Variants in ADAMTS2 observed in about 807,000 individuals in gnomAD.
ADAMTS2 encodes A disintegrin and metalloproteinase with thrombospondin motifs 2.
A neutral mutation model predicts 123.0 loss-of-function variants in ADAMTS2; 50 were observed. That is an observed-to-expected ratio of 0.41 (90% CI 0.32 to 0.51). ADAMTS2 has a LOEUF of 0.51. Among genes scored for constraint, ADAMTS2 ranks in the 20% least tolerant of loss-of-function variants. ADAMTS2 has a pLI of 0.35. For missense variants in ADAMTS2, 1,494 were observed against 1,705.2 expected (o/e 0.88, Z 2.18); for synonymous variants, 678 against 695.4 (o/e 0.98, Z 0.39).
chr5:179,165,413 G>A (rs959485944), intron 5 of ADAMTS2, among the ~76,000 whole-genome samples: 7 of 152,142 alleles, frequency 4.6e-5, no homozygotes, highest in African/African-American at 7.2e-5. Context: ...GGTCATCTAC[G>A]TCCCTCCCAG....
chr5:179,329,291 C>A (rs543650825), intron 2 of ADAMTS2, among the ~76,000 whole-genome samples: 3 of 148,774 alleles, frequency 2.0e-5, no homozygotes, highest in African/African-American at 7.5e-5. Flanking sequence ...AGTGCCACTG[C>A]GCTCCAGCCT....
At chr5:179,287,481 G>A (rs1756052985) in intron 2 of ADAMTS2, among the ~76,000 whole-genome samples, 1 of 152,216 alleles carries the variant, frequency 6.6e-6, no homozygotes, top group Non-Finnish European at 1.5e-5. Context: ...AGCTGAGGCT[G>A]GTGTCTCACA....
In ADAMTS2 at chr5:179,157,203, G is replaced by A. The variant is rs573783025; in HGVS notation, c.1132+1520C>T. 3.9e-5 allele frequency among the ~76,000 whole-genome samples: 6 copies of A among 152,192 alleles called. No homozygotes were observed. In the South Asian group the frequency reaches 1.2e-3, roughly 32 times the overall value. ...GACCTCAAGTGATCCGCCCGCCTTG[G>A]CCTCCCAAAGTGCTGGGATTACAGG... On this transcript the variant is annotated intron_variant, in intron 6 of 21. Coordinates refer to ENST00000251582, the MANE Select transcript of ADAMTS2 (RefSeq NM_014244.5).
In ADAMTS2 at chr5:179,115,252, T is replaced by G. The variant is rs1206964990; in HGVS notation, c.3179-928A>C. Among the ~76,000 whole-genome samples, 2 of 152,146 alleles carry G rather than the reference T, an allele frequency of 1.3e-5. No individual in the cohort carries two copies. Among genetic ancestry groups the G allele is most frequent in the Admixed American group, 6.5e-5 (1 of 15,270 alleles). On this transcript the variant is annotated intron_variant, in intron 21 of 21. Coordinates refer to ENST00000251582, the MANE Select transcript of ADAMTS2 (RefSeq NM_014244.5). This position sits in a 1 kb window ranked among gnomAD's most constrained non-coding sequence, Gnocchi z 4.4. The stretch of plus-strand genomic sequence containing the variant: ...GACCTCTGTCTGCGGCTATGTTCAT[T>G]CAACCCATCAACTCTTCTTGCGCTC...
chr5:179,125,245 T>C, intron 18 of ADAMTS2, 65 bp from the exon 19 acceptor site: 2 of 1,501,746 alleles, frequency 1.3e-6, no homozygotes, highest in Non-Finnish European at 1.8e-6. Context: ...CTGGCTGAGC[T>C]CCAGCGCCGC....
chr5:179,204,260 G>A (rs986395471), intron 4 of ADAMTS2, among the ~76,000 whole-genome samples: 7 of 152,196 alleles, frequency 4.6e-5, no homozygotes, highest in African/African-American at 9.7e-5. Flanking sequence ...TTCTGTGGAC[G>A]GTGGTGGCGA....
chr5:179,222,756 T>C (rs938550365), intron 3 of ADAMTS2, among the ~76,000 whole-genome samples: 3 of 152,216 alleles, frequency 2.0e-5, no homozygotes, highest in Non-Finnish European at 2.9e-5. Context: ...CTGCCTGCCC[T>C]GCAGAGGTGA....
chr5:179,294,961 G>A (rs1038992734), intron 2 of ADAMTS2, among the ~76,000 whole-genome samples: 13 of 152,164 alleles, frequency 8.5e-5, no homozygotes, highest in African/African-American at 2.7e-4. Context: ...CCCTCCTGTC[G>A]CTCTCAACTA....
At position 179,258,400 on chromosome 5, in the gene ADAMTS2, C is replaced by T. The variant is rs140338694; in HGVS notation, c.688+14511G>A. On this transcript the variant is annotated intron_variant, in intron 3 of 21. Transcript: ENST00000251582. ...TAGTCCTTTTTGCCCTGCTGGACGT[C>T]GCCTGGCCAGACTTGCAGAGCCATC... Among the ~76,000 whole-genome samples the T allele has an allele frequency of 6.5e-3, 989 of 152,274 alleles. 13 individuals carry two copies. The highest frequency in any genetic ancestry group is 0.021 in the African/African-American group (852 of 41,544).
At chr5:179,126,905 G>A (rs1370083475) in intron 17 of ADAMTS2, among the ~76,000 whole-genome samples, 1 of 148,356 alleles carries the variant, frequency 6.7e-6, no homozygotes, top group African/African-American at 2.5e-5. Context: ...GACATGGTGT[G>A]TATCCAGGAA....
intron 2 of ADAMTS2, among the ~76,000 whole-genome samples, chr5:179,339,733 G>C (rs1197892652): frequency 1.3e-5 from 2 of 152,178 alleles, no homozygotes; most frequent in African/African-American, 4.8e-5. Flanking sequence ...GCCAAGGTGG[G>C]GTGGGAGGAA....
chr5:179,195,400 C>G (rs1764403557), intron 4 of ADAMTS2, among the ~76,000 whole-genome samples: 2 of 152,244 alleles, frequency 1.3e-5, no homozygotes, highest in Non-Finnish European at 2.9e-5. Flanking sequence ...ACCCACACAC[C>G]AGACTTGTCC....
At chr5:179,296,834 C>T (rs560908265) in intron 2 of ADAMTS2, among the ~76,000 whole-genome samples, 143 of 152,220 alleles carry the variant, frequency 9.4e-4, no homozygotes, top group Non-Finnish European at 1.7e-3. Context: ...CCACTGGTAT[C>T]ACTAACACAA....
In ADAMTS2 at chr5:179,136,321, C is replaced by G. The variant is rs112917763; in HGVS notation, c.1952-279G>C. Reference sequence around the variant, plus strand: ...CGGCTCTCACATCCCCGAGGCCCCGCTTGGAGACCTCCGAGGCTGCAAATG... The same window carrying G: ...CGGCTCTCACATCCCCGAGGCCCCGGTTGGAGACCTCCGAGGCTGCAAATG... On this transcript the variant is annotated intron_variant, in intron 12 of 21. Transcript: ENST00000251582. 7.2e-3 allele frequency among the ~76,000 whole-genome samples: 1,093 copies of G among 152,312 alleles called. 13 individuals are homozygous for G. The highest frequency in any genetic ancestry group is 0.024 in the African/African-American group (1,018 of 41,572).
At chr5:179,208,289 T>C (rs1439625538) in intron 3 of ADAMTS2, among the ~76,000 whole-genome samples, 1 of 152,028 alleles carries the variant, frequency 6.6e-6, no homozygotes, top group Non-Finnish European at 1.5e-5. Context: ...GGGCTGTGCA[T>C]GTTCCCCAGT....
chr5:179,319,151 G>A (rs565337086), intron 2 of ADAMTS2, among the ~76,000 whole-genome samples: 1 of 152,122 alleles, frequency 6.6e-6, no homozygotes, highest in African/African-American at 2.4e-5. Context: ...CATGCACCAC[G>A]TGTGCACTCA....
intron 5 of ADAMTS2, among the ~76,000 whole-genome samples, chr5:179,171,286 G>A (rs115222927): frequency 0.014 from 2,160 of 152,146 alleles, 50 homozygotes; most frequent in African/African-American, 0.049. Flanking sequence ...TGGCTCCTCC[G>A]GTCCCACAGA....
chr5:179,285,605 G>C lies in ADAMTS2; in HGVS notation c.535-12541C>G, dbSNP rs982942553. On this transcript the variant is annotated intron_variant, in intron 2 of 21. Coordinates refer to ENST00000251582, the MANE Select transcript of ADAMTS2 (RefSeq NM_014244.5). The surrounding 1 kb of genome is among the most constrained non-coding windows in gnomAD (Gnocchi z 4.9). Reference sequence around the variant, plus strand: ...GACCCAGACTCTGGGACTGCAACAGGCCTGCCTATTTGTGACGAGAACTGA... The same window carrying C: ...GACCCAGACTCTGGGACTGCAACAGCCCTGCCTATTTGTGACGAGAACTGA... Among the ~76,000 whole-genome samples the C allele has an allele frequency of 2.0e-5, 3 of 152,216 alleles. No individual in the cohort carries two copies. The highest frequency in any genetic ancestry group is 1.3e-4 in the Admixed American group (2 of 15,280).
At chr5:179,126,899 TG>T (rs869147547) in intron 17 of ADAMTS2, among the ~76,000 whole-genome samples, 1 of 120,862 alleles carries the variant, frequency 8.3e-6, no homozygotes, top group Non-Finnish European at 2.0e-5. Context: ...AGGTGGGACA[TG>T]GTGTGTATCC....
Sources: allele counts gnomAD v4.1 joint callset (sites outside exome capture counted in the v4.1 genomes callset), GRCh38; gene constraint gnomAD v4.1.1; non-coding constraint Gnocchi (gnomAD v3.1); transcripts MANE v1.5; gene names NCBI Gene and HGNC (gene_info 2026-07-23, HGNC 2026-07-21).